Variants in DACH1 observed in about 807,000 individuals in gnomAD.
DACH1 encodes the protein dachshund homolog 1.
In DACH1, 12 loss-of-function variants were observed where a neutral mutation model predicts 54.2. The ratio of observed to expected loss-of-function variants is 0.22; its 90% CI spans 0.14 to 0.36. DACH1 has a LOEUF of 0.36. Ranked by LOEUF, DACH1 falls within the 10% of genes least tolerant of loss-of-function variation. The pLI is 1.00. For missense variants in DACH1, 805 were observed against 929.8 expected (o/e 0.87, Z 1.75); for synonymous variants, 386 against 366.2 (o/e 1.05, Z -0.62).
chr13:71,448,901 A>T (rs1874731155), intron 10 of DACH1, among the ~76,000 whole-genome samples: 1 of 151,686 alleles, frequency 6.6e-6, no homozygotes, highest in Non-Finnish European at 1.5e-5. Flanking sequence ...AGGACTAGAC[A>T]TCATATTAGA....
chr13:71,858,259 T>C (rs558316125), intron 1 of DACH1, among the ~76,000 whole-genome samples: 1 of 151,862 alleles, frequency 6.6e-6, no homozygotes, highest in African/African-American at 2.4e-5. Flanking sequence ...CTGTTGTAAC[T>C]GGAAAGGCAA....
chr13:71,479,101 AC>A, intron 8 of DACH1, 67 bp downstream of exon 8: 1 of 1,345,410 alleles, frequency 7.4e-7, no homozygotes, highest in Non-Finnish European at 9.9e-7. Context: ...AAAATAAATC[AC>A]CATCATAGTA....
chr13:71,709,998 C>T (rs930549077), intron 1 of DACH1, among the ~76,000 whole-genome samples: 1 of 152,092 alleles, frequency 6.6e-6, no homozygotes, highest in Non-Finnish European at 1.5e-5. Flanking sequence ...CAAGTTTGCA[C>T]CACCATGCCT....
At chr13:71,652,615 C>T (rs1325012441) in intron 2 of DACH1, among the ~76,000 whole-genome samples, 1 of 152,126 alleles carries the variant, frequency 6.6e-6, no homozygotes, top group African/African-American at 2.4e-5. Flanking sequence ...ATTATCACCT[C>T]TTAGGAAGTG....
At chr13:71,586,918 T>G (rs1279386418) in intron 3 of DACH1, among the ~76,000 whole-genome samples, 1 of 152,092 alleles carries the variant, frequency 6.6e-6, no homozygotes, top group African/African-American at 2.4e-5. Flanking sequence ...TTAATGATTT[T>G]TGTTTTAATA....
intron 1 of DACH1, among the ~76,000 whole-genome samples, chr13:71,762,967 A>G (rs9564840): frequency 0.12 from 17,920 of 152,110 alleles, 2,163 homozygotes; most frequent in East Asian, 0.55. Context: ...AACGGCTTGC[A>G]CCACAGATAT....
chr13:71,578,948 G>A (rs1288876343), intron 3 of DACH1, among the ~76,000 whole-genome samples: 1 of 151,930 alleles, frequency 6.6e-6, no homozygotes, highest in Non-Finnish European at 1.5e-5. Context: ...AAATAATGTT[G>A]TTATAAATTC....
At chr13:71,455,836 T>C (rs1215540510) in intron 10 of DACH1, among the ~76,000 whole-genome samples, 2 of 152,158 alleles carry the variant, frequency 1.3e-5, no homozygotes, top group Non-Finnish European at 2.9e-5. Context: ...AAATCTGGTA[T>C]CTTACCATTT....
chr13:71,614,873 A>T (rs1875636611), intron 3 of DACH1, among the ~76,000 whole-genome samples: 1 of 150,414 alleles, frequency 6.6e-6, no homozygotes, highest in African/African-American at 2.4e-5. Context: ...AAAAAAAAAA[A>T]GCCACAAATG....
At chr13:71,753,445 C>G (rs1156856373) in intron 1 of DACH1, among the ~76,000 whole-genome samples, 1 of 152,108 alleles carries the variant, frequency 6.6e-6, no homozygotes, top group East Asian at 1.9e-4. Context: ...AAGGCTAATC[C>G]TTATTTTAAC....
intron 1 of DACH1, among the ~76,000 whole-genome samples, chr13:71,735,445 G>A (rs1473233887): frequency 4.7e-4 from 14 of 29,772 alleles, no homozygotes; most frequent in African/African-American, 9.8e-4. Context: ...ACGGATATAC[G>A]TGTATATGGG....
chr13:71,490,082 T>C (rs956117534), intron 6 of DACH1, among the ~76,000 whole-genome samples: 1 of 152,178 alleles, frequency 6.6e-6, no homozygotes, highest in Non-Finnish European at 1.5e-5. Context: ...ATTTTATTCA[T>C]GGCAGGATCC....
intron 10 of DACH1, among the ~76,000 whole-genome samples, chr13:71,462,012 G>A (rs1876119694): frequency 6.6e-6 from 1 of 151,800 alleles, no homozygotes; most frequent in South Asian, 2.1e-4. Context: ...ATAATTTATG[G>A]TCTAAAATCT....
At chr13:71,444,761 T>C (rs1179570720) in intron 10 of DACH1, among the ~76,000 whole-genome samples, 2 of 152,194 alleles carry the variant, frequency 1.3e-5, no homozygotes, top group Admixed American at 1.3e-4. Context: ...TTATTCTCCA[T>C]GGTCTACAAA....
chr13:71,734,961 T>C (rs1435127644), intron 1 of DACH1, among the ~76,000 whole-genome samples: 32 of 107,754 alleles, frequency 3.0e-4, no homozygotes, highest in Non-Finnish European at 1.4e-4. Context: ...ACAGGATATA[T>C]ATATATATAC....
intron 1 of DACH1, among the ~76,000 whole-genome samples, chr13:71,721,343 G>A (rs994071494): frequency 6.6e-5 from 10 of 152,068 alleles, no homozygotes; most frequent in Admixed American, 6.6e-4. Context: ...AGAGTCAAGA[G>A]ATGTGATCCA....
chr13:71,660,315 G>A (rs1193651402), intron 2 of DACH1, among the ~76,000 whole-genome samples: 1 of 151,930 alleles, frequency 6.6e-6, no homozygotes, highest in South Asian at 2.1e-4. Flanking sequence ...AATGTTAGAA[G>A]GGTCATAATT....
At chr13:71,555,697 A>C (rs1479215625) in intron 6 of DACH1, among the ~76,000 whole-genome samples, 3 of 152,098 alleles carry the variant, frequency 2.0e-5, no homozygotes, top group Admixed American at 1.3e-4. Flanking sequence ...AAATATCAAA[A>C]GTATAGGTCA....
At chr13:71,578,755 A>C (rs1885689291) in intron 3 of DACH1, among the ~76,000 whole-genome samples, 1 of 152,172 alleles carries the variant, frequency 6.6e-6, no homozygotes, top group African/African-American at 2.4e-5. Context: ...GTAGTGGTTT[A>C]GCAAAGAAAA....
Sources: gnomAD v4.1 joint callset for allele counts (sites outside exome capture counted in the v4.1 genomes callset) on GRCh38, gnomAD v4.1.1 for gene constraint, MANE v1.5 for transcripts, NCBI Gene and HGNC (gene_info 2026-07-23, HGNC 2026-07-21) for gene names.